Variants in NDC1 observed in about 807,000 individuals in gnomAD.
The protein encoded by NDC1 is nucleoporin NDC1.
A neutral mutation model predicts 89.8 loss-of-function variants in NDC1; 24 were observed. That is an observed-to-expected ratio of 0.27 (90% CI 0.19 to 0.38). The LOEUF (loss-of-function observed/expected upper bound fraction) is 0.38, where lower values mean the gene tolerates loss of function less well. NDC1 is among the 10% of genes least tolerant of loss of function. The pLI is 1.00. For missense variants in NDC1, 728 were observed against 797.6 expected, an observed-to-expected ratio of 0.91 and a Z score of 1.05; for synonymous variants, 296 against 284.8, an observed-to-expected ratio of 1.04 and a Z score of -0.39.
In NDC1 at chr1:53,811,880, A is replaced by C. The variant is rs1406815982; in HGVS notation, c.704-2134T>G. ...GCACCCCCTCACCACCTCCACTGGA[A>C]CACGCACTGGTATCCATGCCTGAGA... On this transcript the variant is annotated intron_variant, in intron 6 of 17. Transcript: ENST00000371429. 2.0e-5 allele frequency among the ~76,000 whole-genome samples: 3 copies of C among 152,254 alleles called. No homozygotes were observed. In the East Asian group the frequency reaches 5.8e-4, roughly 29 times the overall value.
Position 53,766,013 on chromosome 1 carries a change from C to T in NDC1, c.*1957G>A, listed in dbSNP as rs953912261. On this transcript the variant is annotated 3_prime_UTR_variant, in exon 18 of 18. Coordinates refer to ENST00000371429, the MANE Select transcript of NDC1 (RefSeq NM_018087.5). ...CTTACCTACCAAATACAATACAGAT[C>T]TGGGGAGGCAGTTTCCAGATCTTCA... 1.3e-5 allele frequency: 2 copies of T among 152,154 alleles called. No individual in the cohort carries two copies. Among genetic ancestry groups the T allele is most frequent in the African/African-American group, 4.8e-5 (2 of 41,424 alleles). The allele number at this position is 152,154 out of a possible 1,614,324, so 9.4% of individuals were successfully genotyped here. A position where few individuals can be genotyped will look rare whatever the true frequency, so the allele number is the denominator to read the frequency against.
intron 1 of NDC1, among the ~76,000 whole-genome samples, chr1:53,837,060 T>A (rs1649257030): frequency 1.3e-5 from 2 of 152,204 alleles, no homozygotes; most frequent in Admixed American, 1.3e-4. Context: ...CACATACTGA[T>A]GAATGGATAA....
chr1:53,801,742 T>C (rs547652371), intron 10 of NDC1, among the ~76,000 whole-genome samples: 1 of 152,286 alleles, frequency 6.6e-6, no homozygotes, highest in African/African-American at 2.4e-5. Flanking sequence ...TGAGGAACTG[T>C]GTAACCATCC....
chr1:53,792,893 C>T (rs1443493613), intron 14 of NDC1, among the ~76,000 whole-genome samples: 4 of 152,210 alleles, frequency 2.6e-5, no homozygotes, highest in South Asian at 2.1e-4. Context: ...GCTAGCAGGA[C>T]GTGAGCCAAG....
chr1:53,775,396 A>C (rs892556383), intron 16 of NDC1, among the ~76,000 whole-genome samples: 41 of 151,998 alleles, frequency 2.7e-4, no homozygotes, highest in Admixed American at 2.6e-3. Flanking sequence ...AGCTGGGATT[A>C]CAGGCGCCCG....
rs779998354 is a variant in NDC1 at position 53,828,167 on chromosome 1, G to A, written c.287C>T (p.Pro96Leu). Reference protein sequence around the residue: ...IFNVEFYAVVPSIPCSRLALI... With the variant: ...IFNVEFYAVVLSIPCSRLALI... Reference sequence around the variant, plus strand: ...AGCTAGTCTGGAGCAAGGAATAGAAGGCACAACTGCAAAGGAAACACATTA... The same window carrying A: ...AGCTAGTCTGGAGCAAGGAATAGAAAGCACAACTGCAAAGGAAACACATTA... Residue 96 changes from proline (P) to leucine (L), a missense_variant, in exon 4 of 18, where the codon CCT (proline) becomes CTT (leucine). Coordinates refer to ENST00000371429, the MANE Select transcript of NDC1 (RefSeq NM_018087.5). 5.6e-6 allele frequency: 9 copies of A among 1,613,706 alleles called. No individual in the cohort carries two copies. In the South Asian group the frequency reaches 9.9e-5, roughly 18 times the overall value.
intron 1 of NDC1, among the ~76,000 whole-genome samples, chr1:53,837,182 ATAGT>A (rs1355078444): frequency 2.0e-5 from 3 of 152,188 alleles, no homozygotes; most frequent in African/African-American, 2.4e-5. Flanking sequence ...GATGTCCCAA[ATAGT>A]TAGGCGGCTG....
intron 4 of NDC1, among the ~76,000 whole-genome samples, chr1:53,827,682 GTCTGCACA>G (rs1648915280): frequency 6.6e-6 from 1 of 152,108 alleles, no homozygotes; most frequent in African/African-American, 2.4e-5. Context: ...CACAGGTTTT[GTCTGCACA>G]TCTCACTTTC....
chr1:53,784,620 G>A (rs1557568366), intron 16 of NDC1, among the ~76,000 whole-genome samples: 1 of 152,146 alleles, frequency 6.6e-6, no homozygotes, highest in Non-Finnish European at 1.5e-5. Flanking sequence ...GTGAAACCCC[G>A]TCTCTACTAA....
intron 15 of NDC1, among the ~76,000 whole-genome samples, chr1:53,788,531 G>GA (rs1647383851): frequency 6.6e-6 from 1 of 151,952 alleles, no homozygotes; most frequent in Admixed American, 6.6e-5. Context: ...GGGTTCAAAC[G>GA]ATTCTCTGGT....
chr1:53,787,292 T>C (rs544059155), intron 15 of NDC1, 34 bp from the exon 16 acceptor site: 21 of 1,219,426 alleles, frequency 1.7e-5, no homozygotes, highest in Non-Finnish European at 2.2e-5. Flanking sequence ...TAAAAGTCAA[T>C]CAAAATTAGG....
At chr1:53,776,211 T>C (rs913795622) in intron 16 of NDC1, among the ~76,000 whole-genome samples, 5 of 152,000 alleles carry the variant, frequency 3.3e-5, no homozygotes, top group African/African-American at 1.2e-4. Context: ...CCTTCCCCGG[T>C]TTCCCAAAGT....
chr1:53,786,669 A>T (rs1647317216), intron 16 of NDC1, among the ~76,000 whole-genome samples: 1 of 152,278 alleles, frequency 6.6e-6, no homozygotes, highest in Admixed American at 6.5e-5. Flanking sequence ...TAAGCAGATT[A>T]AAAGTTTTCT....
chr1:53,787,698 G>C (rs925783199), intron 15 of NDC1, among the ~76,000 whole-genome samples: 2 of 141,822 alleles, frequency 1.4e-5, no homozygotes, highest in African/African-American at 5.6e-5. Context: ...AATAAATAAA[G>C]GGAGGAGCAA....
At chr1:53,777,031 AT>A (rs34532987) in intron 16 of NDC1, among the ~76,000 whole-genome samples, 97 of 147,158 alleles carry the variant, frequency 6.6e-4, no homozygotes, top group Middle Eastern at 3.4e-3. Context: ...ATTTTGTTGA[AT>A]TTTTTTTTTT....
chr1:53,773,682 T>C (rs1647138012), intron 16 of NDC1, among the ~76,000 whole-genome samples: 1 of 152,182 alleles, frequency 6.6e-6, no homozygotes, highest in African/African-American at 2.4e-5. Flanking sequence ...ACTTTAGGTC[T>C]TTCTTCTTGG....
At position 53,782,514 on chromosome 1, in the gene NDC1, T is replaced by C. The variant is rs1179600880; in HGVS notation, c.1800+4644A>G. On this transcript the variant is annotated intron_variant, in intron 16 of 17. Transcript: ENST00000371429. Reference sequence around the variant, plus strand: ...GCATATACGCAAGTCAGGAGGGAGCTGAAAGACAAAGAACATGGGGAAAAG... The same window carrying C: ...GCATATACGCAAGTCAGGAGGGAGCCGAAAGACAAAGAACATGGGGAAAAG... Among the ~76,000 whole-genome samples, 4 of 152,016 alleles carry C rather than the reference T, an allele frequency of 2.6e-5. No individual in the cohort carries two copies. The East Asian group carries it at 7.7e-4, about 29-fold the overall frequency.
At chr1:53,787,109 TG>T in intron 16 of NDC1, 48 bp downstream of exon 16, 2 of 904,168 alleles carry the variant, frequency 2.2e-6, no homozygotes, top group Non-Finnish European at 3.6e-6. Flanking sequence ...AAGCACTGGG[TG>T]GGAGGGGAAG....
At chr1:53,827,160 A>G (rs1648892035) in intron 4 of NDC1, among the ~76,000 whole-genome samples, 2 of 152,032 alleles carry the variant, frequency 1.3e-5, no homozygotes, top group South Asian at 4.2e-4. Flanking sequence ...CTTATATAAT[A>G]GTAGCTGGAG....
Sources: allele counts gnomAD v4.1 joint callset (sites outside exome capture counted in the v4.1 genomes callset), GRCh38; gene constraint gnomAD v4.1.1; transcripts MANE v1.5; gene names NCBI Gene and HGNC (gene_info 2026-07-23, HGNC 2026-07-21).